Variants in CRACD observed in about 807,000 individuals in gnomAD.
CRACD encodes the protein capping protein-inhibiting regulator of actin dynamics.
Under a neutral mutation model 106.8 loss-of-function variants are expected in CRACD, and 56 were observed. That is an observed-to-expected ratio of 0.52 (90% CI 0.42 to 0.66). The LOEUF (loss-of-function observed/expected upper bound fraction) is 0.66. Among genes scored for constraint, CRACD ranks in the 30% least tolerant of loss-of-function variants. The pLI, the probability that CRACD is intolerant of heterozygous loss-of-function variation, is 0.00. For synonymous variants in CRACD, 754 were observed against 670.8 expected (o/e 1.12, Z -1.92); for missense variants, 1,730 against 1,623.2 (o/e 1.07, Z -1.13).
chr4:56,138,590 CA>C (rs144189826), intron 1 of CRACD, among the ~76,000 whole-genome samples: 14 of 151,344 alleles, frequency 9.3e-5, no homozygotes, highest in East Asian at 3.9e-4. Context: ...ATATAACTTA[CA>C]AAAAAAAATC....
At position 56,253,851 on chromosome 4, in the gene CRACD, A is replaced by G. The variant is rs1004338773; in HGVS notation, c.-188-18470A>G. 6.6e-5 allele frequency among the ~76,000 whole-genome samples: 10 copies of G among 152,322 alleles called. No homozygotes were observed. In the Middle Eastern group the frequency reaches 0.01, roughly 155 times the overall value. Reference sequence around the variant, plus strand: ...CACCTGTCACCATAGAGCCCAAATTATATCACAAAAGCAGTTTCCAACCAT... The same window carrying G: ...CACCTGTCACCATAGAGCCCAAATTGTATCACAAAAGCAGTTTCCAACCAT... On this transcript the variant is annotated intron_variant, in intron 2 of 10. Coordinates refer to ENST00000682029, the MANE Select transcript of CRACD (RefSeq NM_001393381.1).
chr4:56,235,307 A>G (rs138366034), intron 2 of CRACD, among the ~76,000 whole-genome samples: 3 of 152,358 alleles, frequency 2.0e-5, no homozygotes, highest in Admixed American at 1.3e-4. Flanking sequence ...GATTCTGTTT[A>G]GGAACAATGA....
intron 1 of CRACD, among the ~76,000 whole-genome samples, chr4:56,050,512 G>A (rs953861794): frequency 3.3e-5 from 5 of 152,000 alleles, no homozygotes; most frequent in Non-Finnish European, 5.9e-5. Context: ...CAGTTCTTTG[G>A]CATTGTTTGT....
intron 2 of CRACD, among the ~76,000 whole-genome samples, chr4:56,244,905 C>T (rs1740597522): frequency 6.6e-6 from 1 of 152,252 alleles, no homozygotes; most frequent in African/African-American, 2.4e-5. Flanking sequence ...GCTGCCCTTC[C>T]AGTCTAATTG....
At chr4:56,258,222 ATAACT>A (rs1244978668) in intron 2 of CRACD, among the ~76,000 whole-genome samples, 1 of 152,208 alleles carries the variant, frequency 6.6e-6, no homozygotes, top group African/African-American at 2.4e-5. Flanking sequence ...ACTTTAGATA[ATAACT>A]TAACTCTTTC....
At position 56,313,523 on chromosome 4, in the gene CRACD, G is replaced by T. The variant is rs1446570168; in HGVS notation, c.537+144G>T. The T allele has an allele frequency of 8.5e-6, 6 of 707,044 alleles. No individual in the cohort carries two copies. The Admixed American group carries it at 1.4e-4, about 17-fold the overall frequency. The allele number at this position is 707,044 out of a possible 1,614,324, so 43.8% of individuals were successfully genotyped here. ...AACTTGAGTGTGTGGCGGTGTTGGG[G>T]AATACACAGGCCTGTTTACTTTCCT... On this transcript the variant is annotated intron_variant, in intron 7 of 10. Transcript: ENST00000682029.
intron 3 of CRACD, among the ~76,000 whole-genome samples, chr4:56,296,590 C>T (rs765152739): frequency 1.4e-4 from 21 of 152,206 alleles, no homozygotes; most frequent in Non-Finnish European, 1.3e-4. Flanking sequence ...TTCGGAGGCA[C>T]TGCCTGGGAA....
chr4:56,169,568 G>A (rs1014104210), intron 1 of CRACD, among the ~76,000 whole-genome samples: 3 of 151,994 alleles, frequency 2.0e-5, no homozygotes, highest in African/African-American at 7.2e-5. Flanking sequence ...TGCTATCTTC[G>A]CTGATGGCAC....
chr4:56,214,681 C>CTCTCTATATATATA lies in CRACD; in HGVS notation c.-189+35252_-189+35253insCTCTATATATATAT. The stretch of plus-strand genomic sequence containing the variant: ...TCTCTCTCTCTCTCTCTCTCTCTCT[C>CTCTCTATATATATA]TATATATATATATATCAAACAGTTA... On this transcript the variant is annotated intron_variant, in intron 2 of 10. Coordinates refer to ENST00000682029, the MANE Select transcript of CRACD (RefSeq NM_001393381.1). 1.1e-3 allele frequency among the ~76,000 whole-genome samples: 90 copies of CTCTCTATATATATA among 80,994 alleles called. 1 individual carries two copies. The highest frequency in any genetic ancestry group is 5.9e-3 in the South Asian group (13 of 2,214). 53.1% of individuals were successfully genotyped at this position (80,994 alleles called of 152,430 possible).
intron 2 of CRACD, among the ~76,000 whole-genome samples, chr4:56,186,529 TG>T (rs1350571498): frequency 6.6e-6 from 1 of 152,110 alleles, no homozygotes; most frequent in Admixed American, 6.5e-5. Flanking sequence ...GAGATGGGGA[TG>T]GGGTAGGGGC....
At chr4:56,193,461 GA>G (rs1211625992) in intron 2 of CRACD, among the ~76,000 whole-genome samples, 1 of 152,062 alleles carries the variant, frequency 6.6e-6, no homozygotes, top group Non-Finnish European at 1.5e-5. Flanking sequence ...TGTGAGAAAA[GA>G]AAAATAAAAA....
rs573758935 is a variant in CRACD at position 56,097,657 on chromosome 4, A to G, written c.-336+48358A>G. On this transcript the variant is annotated intron_variant, in intron 1 of 10. Coordinates refer to ENST00000682029, the MANE Select transcript of CRACD (RefSeq NM_001393381.1). ...TGTGTGCAAGGACATGATTGTGATG[A>G]TAGACTATGGATCTAAGCTGGCTAA... 2.6e-5 allele frequency among the ~76,000 whole-genome samples: 4 copies of G among 152,256 alleles called. No homozygotes were observed. In the South Asian group the frequency reaches 8.3e-4, roughly 32 times the overall value.
intron 2 of CRACD, among the ~76,000 whole-genome samples, chr4:56,256,876 G>A (rs914645724): frequency 6.6e-6 from 1 of 152,142 alleles, no homozygotes; most frequent in African/African-American, 2.4e-5. Flanking sequence ...AGGCCATTAT[G>A]GGAAGGGAGT....
chr4:56,095,846 G>T (rs963263330), intron 1 of CRACD, among the ~76,000 whole-genome samples: 1 of 152,212 alleles, frequency 6.6e-6, no homozygotes, highest in Admixed American at 6.5e-5. Context: ...ATCCAGCTGA[G>T]GCTCATCCAG....
At chr4:56,086,894 C>T (rs546942904) in intron 1 of CRACD, among the ~76,000 whole-genome samples, 58 of 152,272 alleles carry the variant, frequency 3.8e-4, no homozygotes, top group Non-Finnish European at 7.5e-4. Context: ...AAACTGTCAC[C>T]GCTCCCCTCT....
chr4:56,312,772 T>C (rs1301677183), intron 6 of CRACD, among the ~76,000 whole-genome samples: 1 of 152,172 alleles, frequency 6.6e-6, no homozygotes, highest in African/African-American at 2.4e-5. Context: ...AAGCTACAAG[T>C]ACTCTCCTTT....
chr4:56,152,795 G>A (rs1735628761), intron 1 of CRACD, among the ~76,000 whole-genome samples: 2 of 152,090 alleles, frequency 1.3e-5, no homozygotes, highest in Non-Finnish European at 1.5e-5. Context: ...CATGTATAAT[G>A]TCTTTACTTT....
At chr4:56,054,357 G>A (rs1731981657) in intron 1 of CRACD, among the ~76,000 whole-genome samples, 1 of 151,962 alleles carries the variant, frequency 6.6e-6, no homozygotes, top group Non-Finnish European at 1.5e-5. Context: ...ATTATTTTTT[G>A]TAGAGATGTG....
chr4:56,316,347 G>A lies in CRACD; in HGVS notation c.2845G>A (p.Asp949Asn). 6.2e-7 allele frequency: 1 copy of A among 1,614,026 alleles called. No individual in the cohort carries two copies. Among genetic ancestry groups the A allele is most frequent in the South Asian group, 1.1e-5 (1 of 91,082 alleles). ...CAGCCAGACCCCGGCTCCGGAGCAC[G>A]ACAAGGCAGCAAACAAAATGCCACT... ...ASSQTPAPEH[D>N]KAANKMPLAQ... is the part of the protein sequence containing the mutation. Residue 949 changes from aspartate (D) to asparagine (N), a missense_variant, in exon 8 of 11, where the codon GAC (aspartate) becomes AAC (asparagine). Asp to Asn is a conservative substitution (Grantham distance 23). This residue lies in a region of CRACD where 1,620 missense variants were observed against 1,481.6 expected (regional missense o/e 1.09). Transcript: ENST00000682029.
Sources: allele counts gnomAD v4.1 joint callset (sites outside exome capture counted in the v4.1 genomes callset), GRCh38; gene constraint gnomAD v4.1.1; regional missense constraint gnomAD v4.1.1; transcripts MANE v1.5; gene names NCBI Gene and HGNC (gene_info 2026-07-23, HGNC 2026-07-21).